The following RBFOX1 variants were observed in gnomAD, a reference collection of about 807,000 sequenced individuals.
RBFOX1 encodes the protein RNA binding protein fox-1 homolog 1.
Under a neutral mutation model 57.7 loss-of-function variants are expected in RBFOX1, and 8 were observed. The ratio of observed to expected loss-of-function variants is 0.14; its 90% CI spans 0.08 to 0.25. RBFOX1 has a LOEUF of 0.25. Ranked by LOEUF, RBFOX1 falls within the 10% of genes least tolerant of loss-of-function variation. The probability of loss-of-function intolerance (pLI) is 1.00; values close to 1 mark genes in which losing one functional copy is unlikely to be tolerated. For missense variants in RBFOX1, 611 were observed against 548.5 expected, an observed-to-expected ratio of 1.11 and a Z score of -1.14; for synonymous variants, 326 against 222.4, an observed-to-expected ratio of 1.47 and a Z score of -4.15.
At chr16:7,020,950 A>G (rs2038835924) in intron 3 of RBFOX1, among the ~76,000 whole-genome samples, 1 of 152,116 alleles carries the variant, frequency 6.6e-6, no homozygotes, top group East Asian at 1.9e-4. Context: ...AACATGGTGA[A>G]ATCCTGTCTC....
chr16:5,283,673 CT>C (rs1301790815), intron 1 of RBFOX1, among the ~76,000 whole-genome samples: 1 of 152,172 alleles, frequency 6.6e-6, no homozygotes, highest in Non-Finnish European at 1.5e-5. Context: ...CCTGTAGCCC[CT>C]TTGTTTTGGC....
chr16:7,138,755 A>C (rs1230358955), intron 4 of RBFOX1, among the ~76,000 whole-genome samples: 2 of 152,264 alleles, frequency 1.3e-5, no homozygotes, highest in African/African-American at 4.8e-5. Context: ...TGAATATTTC[A>C]CTAAAACAAG....
chr16:7,067,226 G>A (rs1739223226), intron 4 of RBFOX1, among the ~76,000 whole-genome samples: 1 of 152,122 alleles, frequency 6.6e-6, no homozygotes, highest in African/African-American at 2.4e-5. Context: ...AGTTCTTCCA[G>A]GCAGCCGAAA....
intron 1 of RBFOX1, among the ~76,000 whole-genome samples, chr16:6,194,619 G>A (rs934540858): frequency 6.6e-6 from 1 of 152,006 alleles, no homozygotes; most frequent in East Asian, 1.9e-4. Context: ...TCTAACTCTC[G>A]ATTCAGAGGC....
chr16:6,750,258 C>T (rs1453559105), intron 3 of RBFOX1, among the ~76,000 whole-genome samples: 4 of 152,162 alleles, frequency 2.6e-5, no homozygotes, highest in Non-Finnish European at 5.9e-5. Context: ...TCATCAATAG[C>T]TGTTAAGTCA....
intron 14 of RBFOX1, among the ~76,000 whole-genome samples, chr16:7,705,420 G>C (rs1568582305): frequency 6.6e-6 from 1 of 152,106 alleles, no homozygotes; most frequent in Non-Finnish European, 1.5e-5. Flanking sequence ...CAGGAGAATG[G>C]CATGAACTTG....
intron 1 of RBFOX1, among the ~76,000 whole-genome samples, chr16:5,456,314 G>T (rs372519936): frequency 1.3e-5 from 2 of 152,090 alleles, no homozygotes; most frequent in Admixed American, 6.5e-5. Flanking sequence ...GTTGTGTTGG[G>T]TTTTTTGACT....
chr16:6,294,939 C>T (rs2077905214), intron 1 of RBFOX1, among the ~76,000 whole-genome samples: 1 of 152,046 alleles, frequency 6.6e-6, no homozygotes, highest in Non-Finnish European at 1.5e-5. Flanking sequence ...CCTTCCCTAA[C>T]CCCAATTTGC....
At chr16:5,644,315 G>T (rs1411745690) in intron 3 of RBFOX1, among the ~76,000 whole-genome samples, 1 of 152,180 alleles carries the variant, frequency 6.6e-6, no homozygotes, top group Non-Finnish European at 1.5e-5. Context: ...CTTGAATGGT[G>T]CCAGAGATCC....
intron 3 of RBFOX1, among the ~76,000 whole-genome samples, chr16:5,714,649 G>A (rs535067864): frequency 5.3e-5 from 8 of 152,138 alleles, no homozygotes; most frequent in East Asian, 1.9e-4. Context: ...GCTTAGTAAC[G>A]GTTTTCATTT....
At chr16:7,470,816 A>C (rs988795801) in intron 4 of RBFOX1, among the ~76,000 whole-genome samples, 1 of 152,134 alleles carries the variant, frequency 6.6e-6, no homozygotes, top group Non-Finnish European at 1.5e-5. Context: ...GATAAACAAG[A>C]GTTCAGGGCA....
At chr16:7,264,377 A>C (rs913630735) in intron 4 of RBFOX1, among the ~76,000 whole-genome samples, 5 of 152,220 alleles carry the variant, frequency 3.3e-5, no homozygotes, top group African/African-American at 9.6e-5. Flanking sequence ...AGAAGGTGCA[A>C]AGCAGACCCA....
At chr16:7,022,030 T>TCCCCCTCCCCCTCCCCTCCCCTTC (rs1239193506) in intron 3 of RBFOX1, among the ~76,000 whole-genome samples, 1 of 11,378 alleles carries the variant, frequency 8.8e-5, no homozygotes, top group Non-Finnish European at 1.3e-4. Context: ...CCCCTCCCCT[T>TCCCCCTCCCCCTCCCCTCCCCTTC]CCCCTCCCCT....
intron 1 of RBFOX1, among the ~76,000 whole-genome samples, chr16:6,117,212 A>G (rs1360708494): frequency 6.6e-6 from 1 of 152,224 alleles, no homozygotes; most frequent in Non-Finnish European, 1.5e-5. Context: ...GTAAAGAATT[A>G]AAGCCACAAA....
chr16:7,035,785 G>A (rs1312213070), intron 3 of RBFOX1, among the ~76,000 whole-genome samples: 1 of 151,952 alleles, frequency 6.6e-6, no homozygotes, highest in African/African-American at 2.4e-5. Flanking sequence ...CTTCCAGTTA[G>A]GATTCCTTAA....
intron 4 of RBFOX1, among the ~76,000 whole-genome samples, chr16:7,117,260 C>T (rs11640519): frequency 0.27 from 40,613 of 152,020 alleles, 6,133 homozygotes; most frequent in Admixed American, 0.37. Context: ...CTGATCGTTT[C>T]ATTGTACGAA....
At chr16:5,690,284 T>C (rs1160307221) in intron 3 of RBFOX1, among the ~76,000 whole-genome samples, 1 of 152,228 alleles carries the variant, frequency 6.6e-6, no homozygotes, top group African/African-American at 2.4e-5. Context: ...AACAAAGTGC[T>C]TCTGTATGAT....
chr16:6,956,938 G>C (rs1237814898), intron 3 of RBFOX1, among the ~76,000 whole-genome samples: 1 of 152,076 alleles, frequency 6.6e-6, no homozygotes, highest in African/African-American at 2.4e-5. Flanking sequence ...GACCCCAAGT[G>C]AGAGTTTTTG....
intron 4 of RBFOX1, among the ~76,000 whole-genome samples, chr16:7,210,049 C>T (rs1416475240): frequency 1.3e-5 from 2 of 152,176 alleles, no homozygotes; most frequent in East Asian, 3.9e-4. Flanking sequence ...ACGCTCAGTG[C>T]AGATTTCCCA....
Sources: gnomAD v4.1 joint callset for allele counts (sites outside exome capture counted in the v4.1 genomes callset) on GRCh38, gnomAD v4.1.1 for gene constraint, MANE v1.5 for transcripts, NCBI Gene and HGNC (gene_info 2026-07-23, HGNC 2026-07-21) for gene names.